DCC: variants seen among roughly 807,000 people sequenced by gnomAD.
The protein encoded by DCC is netrin receptor DCC.
Under a neutral mutation model 172.5 loss-of-function variants are expected in DCC, and 58 were observed. That is an observed-to-expected ratio of 0.34 (90% CI 0.27 to 0.42). DCC has a LOEUF of 0.42. DCC is among the 10% of genes least tolerant of loss of function. The pLI, the probability that DCC is intolerant of heterozygous loss-of-function variation, is 1.00. For synonymous variants in DCC, 709 were observed against 644.5 expected (o/e 1.10, Z -1.52); for missense variants, 1,740 against 1,791.0 (o/e 0.97, Z 0.51).
At chr18:52,830,490 G>T in intron 2 of DCC, among the ~76,000 whole-genome samples, 1 of 152,152 alleles carries the variant, frequency 6.6e-6, no homozygotes, top group East Asian at 1.9e-4. Flanking sequence ...GCTGAGTTGA[G>T]AATAGTCTAT....
intron 12 of DCC, among the ~76,000 whole-genome samples, chr18:53,229,268 C>G (rs1352887488): frequency 6.6e-6 from 1 of 152,054 alleles, no homozygotes; most frequent in Non-Finnish European, 1.5e-5. Flanking sequence ...AGATTGGTCT[C>G]CTTGGGATGA....
At chr18:53,385,956 A>C in intron 15 of DCC, 87 bp from the exon 16 acceptor site, 1 of 897,056 alleles carries the variant, frequency 1.1e-6, no homozygotes, top group Non-Finnish European at 1.9e-6. Context: ...GATTATATGA[A>C]ATTTGTTTTG....
intron 15 of DCC, among the ~76,000 whole-genome samples, chr18:53,354,342 T>A (rs986104016): frequency 5.9e-5 from 9 of 152,204 alleles, no homozygotes; most frequent in African/African-American, 1.2e-4. Context: ...CGCCACACTG[T>A]CTTCCACAAT....
At chr18:53,240,941 A>T (rs1007602937) in intron 12 of DCC, among the ~76,000 whole-genome samples, 4 of 152,152 alleles carry the variant, frequency 2.6e-5, no homozygotes, top group Non-Finnish European at 5.9e-5. Flanking sequence ...GCATAGAAGT[A>T]TTGTTAGGGC....
chr18:52,840,087 G>A (rs2038778167), intron 2 of DCC, among the ~76,000 whole-genome samples: 1 of 152,224 alleles, frequency 6.6e-6, no homozygotes, highest in Non-Finnish European at 1.5e-5. Flanking sequence ...AGGCTCCCAG[G>A]GGGTGCAGAT....
intron 11 of DCC, among the ~76,000 whole-genome samples, chr18:53,208,241 C>G (rs2055686735): frequency 6.6e-6 from 1 of 151,590 alleles, no homozygotes; most frequent in South Asian, 2.1e-4. Context: ...TTCTACTGCA[C>G]TCCAGCCTGG....
intron 5 of DCC, among the ~76,000 whole-genome samples, chr18:53,041,197 G>A (rs796720591): frequency 1.6e-4 from 25 of 152,176 alleles, no homozygotes; most frequent in African/African-American, 5.1e-4. Flanking sequence ...TGTATAAGAT[G>A]TAAGGAAGGG....
intron 25 of DCC, among the ~76,000 whole-genome samples, chr18:53,483,802 G>A (rs535252087): frequency 1.7e-4 from 26 of 151,866 alleles, no homozygotes; most frequent in Middle Eastern, 3.4e-3. Flanking sequence ...GGCATATAGC[G>A]TAAAATTTTA....
At chr18:53,459,192 A>C in intron 23 of DCC, 40 bp from the exon 24 acceptor site, 1 of 1,467,982 alleles carries the variant, frequency 6.8e-7, no homozygotes, top group Non-Finnish European at 9.6e-7. Context: ...GTGCCATTGA[A>C]TAGAGGTTCT....
chr18:52,958,186 TTTC>T (rs1441662023), intron 5 of DCC, among the ~76,000 whole-genome samples: 1 of 152,148 alleles, frequency 6.6e-6, no homozygotes, highest in African/African-American at 2.4e-5. Context: ...ATAGTTTCTA[TTTC>T]TTCTATCCTT....
At chr18:53,317,455 T>A (rs919740731) in intron 13 of DCC, among the ~76,000 whole-genome samples, 3 of 152,192 alleles carry the variant, frequency 2.0e-5, no homozygotes, top group African/African-American at 7.2e-5. Flanking sequence ...TTTTGTTGTG[T>A]CTCTGTCAGG....
Position 53,435,147 on chromosome 18 carries a change from G to A in DCC, c.3167G>A (p.Arg1056His), listed in dbSNP as rs200519902. The change falls in exon 22 of 29, where the codon CGT becomes CAT. Residue 1056 changes from arginine (R) to histidine (H), a missense_variant. By Grantham distance (29) the Arg-to-His change is conservative. This residue lies in a region of DCC where 1,732 missense variants were observed against 1,767.4 expected (regional missense o/e 0.98). Transcript: ENST00000442544. ...HPDKMANDQG[R>H]HGDGGYWPVD... is the part of the protein sequence containing the mutation. ...GACATGCTCTCCCAATGAACAGGTC[G>A]TCATGGAGATGGAGGTTATTGGCCA... 144 of 1,609,316 alleles carry A rather than the reference G, an allele frequency of 8.9e-5. No individual in the cohort carries two copies. Among genetic ancestry groups the A allele is most frequent in the Middle Eastern group, 5.0e-4 (3 of 6,048 alleles).
chr18:52,562,807 T>A (rs561311947), intron 1 of DCC, among the ~76,000 whole-genome samples: 2 of 152,208 alleles, frequency 1.3e-5, no homozygotes, highest in Admixed American at 1.3e-4. Flanking sequence ...TATTTTTTAT[T>A]TTTGTAGGGA....
intron 5 of DCC, among the ~76,000 whole-genome samples, chr18:53,041,385 G>T (rs762938753): frequency 6.6e-6 from 1 of 151,960 alleles, no homozygotes; most frequent in Non-Finnish European, 1.5e-5. Flanking sequence ...TATCTGTTTT[G>T]GTACCAGTAC....
intron 1 of DCC, among the ~76,000 whole-genome samples, chr18:52,742,239 C>A (rs1211107283): frequency 6.6e-6 from 1 of 152,152 alleles, no homozygotes. Context: ...ATGACAATAT[C>A]CTTCTTCACA....
chr18:52,981,524 A>G (rs1203888698), intron 5 of DCC, among the ~76,000 whole-genome samples: 1 of 147,840 alleles, frequency 6.8e-6, no homozygotes, highest in Admixed American at 6.8e-5. Flanking sequence ...TTCTGATTGG[A>G]AAAAAAAAAA....
intron 2 of DCC, among the ~76,000 whole-genome samples, chr18:52,815,302 A>T (rs2038272518): frequency 6.6e-6 from 1 of 152,094 alleles, no homozygotes. Context: ...AGGAGTTGAT[A>T]AATGTTACAT....
At chr18:53,119,687 C>A (rs952503762) in intron 7 of DCC, among the ~76,000 whole-genome samples, 3 of 151,826 alleles carry the variant, frequency 2.0e-5, no homozygotes, top group African/African-American at 7.2e-5. Context: ...TTAATCTGCT[C>A]TGCTGTCATT....
chr18:53,076,202 T>C (rs1427850829), intron 7 of DCC, among the ~76,000 whole-genome samples: 1 of 152,164 alleles, frequency 6.6e-6, no homozygotes, highest in Non-Finnish European at 1.5e-5. Flanking sequence ...CAAATTTCAA[T>C]GATAGAAGCA....
Sources: gnomAD v4.1 joint callset for allele counts (sites outside exome capture counted in the v4.1 genomes callset) on GRCh38, gnomAD v4.1.1 for gene constraint, gnomAD v4.1.1 regional missense constraint, MANE v1.5 for transcripts, NCBI Gene and HGNC (gene_info 2026-07-23, HGNC 2026-07-21) for gene names.